Variants in CFAP70 observed in about 807,000 individuals in gnomAD.
CFAP70 encodes cilia and flagella associated protein 70.
CFAP70 carries 81 observed loss-of-function variants against 137.6 expected under a neutral mutation model. That is an observed-to-expected ratio of 0.59 (90% CI 0.49 to 0.71). The LOEUF is 0.71. Ranked by LOEUF, CFAP70 falls within the 30% of genes least tolerant of loss-of-function variation. CFAP70 has a pLI of 0.00. For synonymous variants in CFAP70, 382 were observed against 423.6 expected (o/e 0.90, Z 1.20); for missense variants, 976 against 1,226.7 (o/e 0.80, Z 3.05).
intron 19 of CFAP70, among the ~76,000 whole-genome samples, chr10:73,283,452 A>C (rs2047413624): frequency 6.6e-6 from 1 of 152,212 alleles, no homozygotes; most frequent in South Asian, 2.1e-4. Context: ...TCTAAGTATG[A>C]ATTTGTCTGC....
chr10:73,272,890 G>A lies in CFAP70; in HGVS notation c.2925+38C>T, dbSNP rs1234800773. 4.6e-6 allele frequency: 7 copies of A among 1,524,982 alleles called. No homozygotes were observed. In the Admixed American group the frequency reaches 1.2e-4, roughly 26 times the overall value. 94.5% of individuals were successfully genotyped at this position (1,524,982 alleles called of 1,614,324 possible). On this transcript the variant is annotated intron_variant, in intron 24 of 26. Transcript: ENST00000310715. ...GAAGGCCAAGGAATCAAGGTCAGCT[G>A]TATCCACAGCCCTAGTCTCAAGCCT...
intron 8 of CFAP70, among the ~76,000 whole-genome samples, chr10:73,327,670 C>T (rs181260006): frequency 0.15 from 22,651 of 151,370 alleles, 2,732 homozygotes; most frequent in African/African-American, 0.31. Flanking sequence ...ATGCAAAAAT[C>T]ACAAGCATTC....
At chr10:73,305,731 A>G (rs2049321599) in intron 12 of CFAP70, among the ~76,000 whole-genome samples, 1 of 152,256 alleles carries the variant, frequency 6.6e-6, no homozygotes, top group Non-Finnish European at 1.5e-5. Context: ...GATTTCCAAA[A>G]TTCCCACATG....
At position 73,344,751 on chromosome 10, in the gene CFAP70, T is replaced by C. The variant is rs867542060; in HGVS notation, c.399+314A>G. The stretch of plus-strand genomic sequence containing the variant: ...AGAAAGTTTTGTTTAATAAAGCACG[T>C]TGCACAAAATCTGCAAAATGTACAC... On this transcript the variant is annotated intron_variant, in intron 5 of 26. Coordinates refer to ENST00000310715, the Ensembl canonical transcript of CFAP70. 7.2e-5 allele frequency among the ~76,000 whole-genome samples: 11 copies of C among 152,288 alleles called. No homozygotes were observed. The Middle Eastern group carries it at 0.017, about 237-fold the overall frequency.
intron 12 of CFAP70, among the ~76,000 whole-genome samples, chr10:73,301,160 A>T (rs7923429): frequency 0.11 from 16,077 of 152,228 alleles, 1,223 homozygotes; most frequent in East Asian, 0.3. Context: ...ACGTTTGAGT[A>T]AAGACCTGAG....
chr10:73,326,303 A>AAAGAC, intron 8 of CFAP70, among the ~76,000 whole-genome samples: 1 of 149,662 alleles, frequency 6.7e-6, no homozygotes, highest in Non-Finnish European at 1.5e-5. Flanking sequence ...ACAAAGACAC[A>AAAGAC]ACATACCAGA....
intron 25 of CFAP70, among the ~76,000 whole-genome samples, chr10:73,257,876 CT>C (rs745485451): frequency 0.026 from 3,329 of 129,812 alleles, 22 homozygotes; most frequent in Non-Finnish European, 0.04. Flanking sequence ...CCTTTTCCTT[CT>C]TTTTTTTTTT....
At chr10:73,354,659 A>G (rs2054532192) in intron 2 of CFAP70, 75 bp downstream of exon 2, 1 of 1,266,842 alleles carries the variant, frequency 7.9e-7, no homozygotes, top group Non-Finnish European at 1.1e-6. Context: ...GAGGTAGAGA[A>G]TGAAGCAAAA....
intron 12 of CFAP70, among the ~76,000 whole-genome samples, chr10:73,303,265 T>C (rs975134394): frequency 6.6e-6 from 1 of 152,154 alleles, no homozygotes. Flanking sequence ...TTGCCCAGGC[T>C]GGAGTGCAGT....
chr10:73,331,168 C>T lies in CFAP70; in HGVS notation c.777+9G>A. On this transcript the variant is annotated intron_variant, in intron 8 of 26. Coordinates refer to ENST00000310715, the Ensembl canonical transcript of CFAP70. ...TCTTATATAAATATTTTTGAGGGGGCATATTTACCTTTTCAGTTTTGCCAG... is the reference window on the plus strand; with the variant it reads ...TCTTATATAAATATTTTTGAGGGGGTATATTTACCTTTTCAGTTTTGCCAG... The T allele has an allele frequency of 6.3e-7, 1 of 1,581,286 alleles. No homozygotes were observed.
At chr10:73,351,572 A>G (rs11000620) in intron 3 of CFAP70, among the ~76,000 whole-genome samples, 3,430 of 152,160 alleles carry the variant, frequency 0.023, 115 homozygotes, top group African/African-American at 0.072. Context: ...AACTGGGACT[A>G]CAGGCAGGCT....
chr10:73,318,288 TG>T (rs1349037357), intron 9 of CFAP70, among the ~76,000 whole-genome samples: 1 of 152,228 alleles, frequency 6.6e-6, no homozygotes, highest in Non-Finnish European at 1.5e-5. Context: ...TGTGGGGAGA[TG>T]ATTTGTCAAC....
At chr10:73,272,726 A>AT (rs1303290843) in intron 24 of CFAP70, 5 of 656,488 alleles carry the variant, frequency 7.6e-6, no homozygotes, top group Admixed American at 4.6e-5. Flanking sequence ...TTTTTCTGGG[A>AT]TTTTTTAAAA....
chr10:73,310,974 A>C (rs1249673221), intron 11 of CFAP70, among the ~76,000 whole-genome samples: 1 of 151,994 alleles, frequency 6.6e-6, no homozygotes, highest in South Asian at 2.1e-4. Flanking sequence ...CCCCACCTTC[A>C]ATCTCTTTTT....
chr10:73,253,858 T>C (rs1490014520), exon 27 of CFAP70: 1 of 698,072 alleles, frequency 1.4e-6, no homozygotes, highest in African/African-American at 1.8e-5. Context: ...AATGAATGGG[T>C]CTCTGTTTAT....
intron 6 of CFAP70, among the ~76,000 whole-genome samples, chr10:73,338,160 T>C (rs1402632776): frequency 6.6e-6 from 1 of 151,412 alleles, no homozygotes; most frequent in East Asian, 1.9e-4. Flanking sequence ...TTTTTTTTTT[T>C]TTGAGACAGA....
intron 3 of CFAP70, among the ~76,000 whole-genome samples, chr10:73,351,997 G>A (rs2054315520): frequency 6.6e-6 from 1 of 152,200 alleles, no homozygotes; most frequent in African/African-American, 2.4e-5. Context: ...GCTGAGCAGG[G>A]GAATTGGAGT....
chr10:73,278,120 T>C, intron 20 of CFAP70, 59 bp downstream of exon 21: 1 of 1,544,970 alleles, frequency 6.5e-7, no homozygotes, highest in Non-Finnish European at 8.9e-7. Context: ...ATCGTAAGAG[T>C]CTTCATCCTT....
exon 15 of CFAP70, chr10:73,297,074 A>T: frequency 1.2e-6 from 2 of 1,613,908 alleles, no homozygotes; most frequent in Non-Finnish European, 1.7e-6. Context: ...TGATCTACTA[A>T]GAACACATAG....
Sources: allele counts gnomAD v4.1 joint callset (sites outside exome capture counted in the v4.1 genomes callset), GRCh38; gene constraint gnomAD v4.1.1; transcripts MANE v1.5; gene names NCBI Gene and HGNC (gene_info 2026-07-23, HGNC 2026-07-21).